ROBO1: variants seen among roughly 807,000 people sequenced by gnomAD.
ROBO1 encodes roundabout guidance receptor 1.
ROBO1 carries 149 observed loss-of-function variants against 195.9 expected under a neutral mutation model. That is an observed-to-expected ratio of 0.76 (90% confidence interval 0.67 to 0.87). The LOEUF (loss-of-function observed/expected upper bound fraction) is 0.87, where lower values mean the gene tolerates loss of function less well. ROBO1 is among the 40% of genes least tolerant of loss of function. ROBO1 has a pLI of 0.00. For missense variants in ROBO1, 1,933 were observed against 2,068.3 expected (o/e 0.93, Z 1.27); for synonymous variants, 816 against 733.2 (o/e 1.11, Z -1.82).
chr3:79,766,008 C>G (rs548262244), intron 1 of ROBO1, among the ~76,000 whole-genome samples: 14 of 152,180 alleles, frequency 9.2e-5, no homozygotes, highest in Non-Finnish European at 1.3e-4. Flanking sequence ...TCGGGGCACT[C>G]CTTGGCGGGG....
intron 1 of ROBO1, among the ~76,000 whole-genome samples, chr3:79,728,252 C>G (rs1251493593): frequency 6.6e-6 from 1 of 151,870 alleles, no homozygotes; most frequent in Non-Finnish European, 1.5e-5. Context: ...GCAGAAATTC[C>G]TTTAATCTTG....
chr3:79,137,300 T>C lies in ROBO1; in HGVS notation c.89-11761A>G, dbSNP rs146188852. ...GGAAAAGAAAAAAAGTCAGAGTAGT[T>C]TATTATTTGGATAAGCTGAAATAAT... On this transcript the variant is annotated intron_variant, in intron 2 of 30. Coordinates refer to ENST00000464233, the MANE Select transcript of ROBO1 (RefSeq NM_002941.4). 3.3e-3 allele frequency among the ~76,000 whole-genome samples: 506 copies of C among 152,204 alleles called. 10 individuals carry two copies. The highest frequency in any genetic ancestry group is 0.024 in the East Asian group (126 of 5,184).
chr3:78,642,755 T>C (rs1407698806), intron 21 of ROBO1, among the ~76,000 whole-genome samples: 1 of 152,196 alleles, frequency 6.6e-6, no homozygotes, highest in Non-Finnish European at 1.5e-5. Flanking sequence ...TTGCCCTTTT[T>C]AAGTTGGGAA....
intron 2 of ROBO1, among the ~76,000 whole-genome samples, chr3:79,498,737 C>A (rs1939886987): frequency 6.6e-6 from 1 of 151,634 alleles, no homozygotes; most frequent in Non-Finnish European, 1.5e-5. Context: ...GCCTGTAATC[C>A]CAGCTACTCG....
chr3:78,790,622 T>C (rs1445851223), intron 4 of ROBO1, among the ~76,000 whole-genome samples: 2 of 152,128 alleles, frequency 1.3e-5, no homozygotes, highest in Non-Finnish European at 2.9e-5. Context: ...GCTTTTAATA[T>C]TTGTATCAGT....
At chr3:79,750,854 C>G (rs17017114) in intron 1 of ROBO1, among the ~76,000 whole-genome samples, 1,898 of 152,230 alleles carry the variant, frequency 0.012, 41 homozygotes, top group African/African-American at 0.044. Flanking sequence ...TTCTTAAATT[C>G]TCTGATTGTT....
chr3:78,788,341 A>G (rs1235652123), intron 4 of ROBO1, among the ~76,000 whole-genome samples: 1 of 145,974 alleles, frequency 6.9e-6, no homozygotes, highest in Non-Finnish European at 1.5e-5. Flanking sequence ...GATGGTCTCG[A>G]TCTCCTGACC....
intron 8 of ROBO1, among the ~76,000 whole-genome samples, chr3:78,695,110 A>C (rs1246286749): frequency 1.0e-5 from 1 of 99,628 alleles, no homozygotes; most frequent in Non-Finnish European, 1.9e-5. Context: ...GGGTTTAAGA[A>C]CTTTAGGCTG....
At chr3:78,834,573 G>A (rs576635741) in intron 4 of ROBO1, among the ~76,000 whole-genome samples, 1 of 151,502 alleles carries the variant, frequency 6.6e-6, no homozygotes, top group Admixed American at 6.6e-5. Context: ...CATCATCAGG[G>A]TGCATATGCT....
intron 2 of ROBO1, among the ~76,000 whole-genome samples, chr3:79,149,837 G>A (rs910809184): frequency 6.6e-6 from 1 of 151,696 alleles, no homozygotes; most frequent in Non-Finnish European, 1.5e-5. Flanking sequence ...ACCCCAGTAC[G>A]TTAGGCCCTT....
chr3:79,277,641 C>A (rs144538953), intron 2 of ROBO1, among the ~76,000 whole-genome samples: 10 of 151,784 alleles, frequency 6.6e-5, no homozygotes, highest in African/African-American at 1.7e-4. Context: ...GTTTATAACA[C>A]AAAGAAAGGA....
chr3:78,679,971 T>A (rs2080853371), intron 10 of ROBO1, among the ~76,000 whole-genome samples: 1 of 152,160 alleles, frequency 6.6e-6, no homozygotes, highest in Admixed American at 6.5e-5. Context: ...ATGGTACTGG[T>A]ACCAAAACAG....
At chr3:79,509,072 T>C (rs1940560495) in intron 2 of ROBO1, among the ~76,000 whole-genome samples, 1 of 152,164 alleles carries the variant, frequency 6.6e-6, no homozygotes, top group African/African-American at 2.4e-5. Flanking sequence ...ATTTTTATAA[T>C]GTAGGAGCAC....
intron 4 of ROBO1, among the ~76,000 whole-genome samples, chr3:78,771,066 CA>C (rs371434665): frequency 1.1e-3 from 158 of 142,566 alleles, no homozygotes; most frequent in Middle Eastern, 3.5e-3. Context: ...GACCCCATAT[CA>C]AAAAAAAAAA....
chr3:79,016,199 C>T (rs1244874865), intron 3 of ROBO1, among the ~76,000 whole-genome samples: 1 of 152,166 alleles, frequency 6.6e-6, no homozygotes, highest in South Asian at 2.1e-4. Flanking sequence ...TGCTTTATAA[C>T]TGAACACTGT....
chr3:78,776,585 C>T (rs9861640), intron 4 of ROBO1, among the ~76,000 whole-genome samples: 4,860 of 152,282 alleles, frequency 0.032, 234 homozygotes, highest in African/African-American at 0.11. Context: ...AGGAATTTGC[C>T]TTTAGTGGCC....
At chr3:78,803,435 T>C (rs774350487) in intron 4 of ROBO1, among the ~76,000 whole-genome samples, 14 of 152,126 alleles carry the variant, frequency 9.2e-5, no homozygotes, top group Non-Finnish European at 1.9e-4. Context: ...TAGAGAACAA[T>C]ATCATGAAAA....
chr3:78,661,087 A>AAAT lies in ROBO1; in HGVS notation c.2262_2263insATT (p.Phe754_Phe755insIle). ...CTATCTGCTCCTTGAAATTCATTAA[A>AAAT]AAAAGGGCGAGCCTTAATTTCATAG... On this transcript the variant is annotated inframe_insertion, in exon 16 of 31. Transcript: ENST00000464233. 2 of 1,613,666 alleles carry AAAT rather than the reference A, an allele frequency of 1.2e-6. No individual in the cohort carries two copies. The highest frequency in any genetic ancestry group is 1.7e-6 in the Non-Finnish European group (2 of 1,179,726).
chr3:79,169,025 T>C (rs2081121213), intron 2 of ROBO1, among the ~76,000 whole-genome samples: 1 of 152,098 alleles, frequency 6.6e-6, no homozygotes, highest in South Asian at 2.1e-4. Flanking sequence ...GAATGATTTA[T>C]GTAGAAGCAA....
Sources: gnomAD v4.1 joint callset for allele counts (sites outside exome capture counted in the v4.1 genomes callset) on GRCh38, gnomAD v4.1.1 for gene constraint, MANE v1.5 for transcripts, NCBI Gene and HGNC (gene_info 2026-07-23, HGNC 2026-07-21) for gene names.